Variants in TET3 observed in about 807,000 individuals in gnomAD.
TET3 encodes the protein methylcytosine dioxygenase TET3.
TET3 carries 19 observed loss-of-function variants against 141.4 expected under a neutral mutation model. That is an observed-to-expected ratio of 0.13 (90% CI 0.09 to 0.20). The LOEUF (loss-of-function observed/expected upper bound fraction) is 0.20. Among genes scored for constraint, TET3 ranks in the 10% least tolerant of loss-of-function variants. The pLI, the probability that TET3 is intolerant of heterozygous loss-of-function variation, is 1.00. For synonymous variants in TET3, 1,043 were observed against 980.9 expected (o/e 1.06, Z -1.18); for missense variants, 1,874 against 2,356.9 (o/e 0.80, Z 4.24).
At chr2:74,060,960 C>T (rs1315972782) in intron 4 of TET3, among the ~76,000 whole-genome samples, 4 of 152,342 alleles carry the variant, frequency 2.6e-5, no homozygotes, top group Middle Eastern at 3.4e-3. Context: ...ATCTTTTCCC[C>T]ACCTTTCCCC....
At chr2:74,008,930 C>T (rs975367492) in intron 3 of TET3, among the ~76,000 whole-genome samples, 2 of 152,206 alleles carry the variant, frequency 1.3e-5, no homozygotes, top group African/African-American at 2.4e-5. Flanking sequence ...CGCCTCCAGG[C>T]ATTTTTCCCC....
At chr2:74,109,970 C>T (rs1395906524), downstream of TET3, among the ~76,000 whole-genome samples, 3 of 152,162 alleles carry the variant, frequency 2.0e-5, no homozygotes, top group South Asian at 2.1e-4. Context: ...GTTTCATCTC[C>T]CTGTGTCATT....
At chr2:74,127,827 CAACA>C in the TET3 span, among the ~76,000 whole-genome samples, 9 of 152,020 alleles carry the variant, frequency 5.9e-5, no homozygotes, top group Non-Finnish European at 1.0e-4. Context: ...TCAGCAGCGA[CAACA>C]AACAGATGAA....
chr2:74,093,134 T>G lies in TET3; in HGVS notation c.3129+143T>G, dbSNP rs1180468925. 1.2e-6 allele frequency: 1 copy of G among 811,810 alleles called. No individual in the cohort carries two copies. The highest frequency in any genetic ancestry group is 2.0e-6 in the Non-Finnish European group (1 of 511,590). 50.3% of individuals were successfully genotyped at this position (811,810 alleles called of 1,614,324 possible). ...CAGAAGTAAAGCGATATGATGTGGT[T>G]CTTTGATAAAAACCCCTTTTTTACA... On this transcript the variant is annotated intron_variant, in intron 9 of 11. Transcript: ENST00000409262. The surrounding 1 kb of genome is among the most constrained non-coding windows in gnomAD (Gnocchi z 4.2).
chr2:74,097,195 GCACACACACACACACACA>G (rs146612512), intron 10 of TET3, among the ~76,000 whole-genome samples: 21 of 138,030 alleles, frequency 1.5e-4, no homozygotes, highest in African/African-American at 5.0e-4. Flanking sequence ...AGCCATACAT[GCACACACACACACACACA>G]CACACACACA....
At chr2:74,023,803 A>G (rs990742460) in intron 3 of TET3, among the ~76,000 whole-genome samples, 2 of 152,066 alleles carry the variant, frequency 1.3e-5, no homozygotes, top group Non-Finnish European at 2.9e-5. Context: ...TTCCTTTTAT[A>G]TTTCTAATAT....
chr2:74,075,906 G>A (rs1245206330), intron 5 of TET3, among the ~76,000 whole-genome samples: 2 of 152,176 alleles, frequency 1.3e-5, no homozygotes, highest in African/African-American at 4.8e-5. Flanking sequence ...CCTGTGTGTT[G>A]TAGTTTGCAG....
At chr2:74,092,719 G>A (rs1690575772) in intron 8 of TET3, among the ~76,000 whole-genome samples, 183 bp from the exon 9 acceptor site, 1 of 152,190 alleles carries the variant, frequency 6.6e-6, no homozygotes, top group African/African-American at 2.4e-5. Context: ...GGGAGCCTCA[G>A]TGTCCCCAGC....
intron 3 of TET3, among the ~76,000 whole-genome samples, chr2:74,015,427 A>T (rs935635879): frequency 5.3e-5 from 8 of 152,184 alleles, no homozygotes; most frequent in African/African-American, 1.9e-4. Flanking sequence ...CAATTTATAT[A>T]TATCTTTCCA....
chr2:74,019,298 G>A (rs1376405993), intron 3 of TET3, among the ~76,000 whole-genome samples: 1 of 152,152 alleles, frequency 6.6e-6, no homozygotes, highest in African/African-American at 2.4e-5. Context: ...ACGTTTTAAG[G>A]TTTTCTTCTT....
chr2:74,032,555 G>A (rs536829198), intron 3 of TET3, among the ~76,000 whole-genome samples: 8 of 139,632 alleles, frequency 5.7e-5, no homozygotes, highest in African/African-American at 1.4e-4. Context: ...AGCTGCCTCC[G>A]CGTCATGACC....
chr2:74,085,608 C>CA (rs1181002761), intron 6 of TET3, among the ~76,000 whole-genome samples: 1 of 152,244 alleles, frequency 6.6e-6, no homozygotes, highest in East Asian at 1.9e-4. Flanking sequence ...AAGGAGTGCA[C>CA]AACCTAGTTC....
Position 74,099,309 on chromosome 2 carries a change from G to A in TET3, c.3301G>A (p.Val1101Met), listed in dbSNP as rs748561400. The A allele has an allele frequency of 1.1e-5, 18 of 1,610,156 alleles. No homozygotes were observed. The highest frequency in any genetic ancestry group is 3.4e-5 in the Admixed American group (2 of 59,564). Reference protein sequence around the residue: ...CTLTKEDNRCVGKIPEDEQLH... With the variant: ...CTLTKEDNRCMGKIPEDEQLH... ...CCTGACCAAGGAAGACAATCGCTGC[G>A]TGGGCAAGATTCCCGAGGATGAGCA... Residue 1101 changes from valine to methionine, a missense_variant, in exon 11 of 12, where the codon GTG (valine) becomes ATG (methionine). Around this residue, in one of 10 missense-constraint regions of TET3, gnomAD observed 53 missense variants for 112.8 expected, o/e 0.47. Coordinates refer to ENST00000409262, the MANE Select transcript of TET3 (RefSeq NM_001287491.2).
chr2:74,025,949 A>G (rs1368598389), intron 3 of TET3, among the ~76,000 whole-genome samples: 3 of 151,516 alleles, frequency 2.0e-5, no homozygotes, highest in Non-Finnish European at 4.4e-5. Flanking sequence ...AAAAAAAAAT[A>G]ATAATAATAA....
At chr2:74,044,442 T>A (rs1687508422) in intron 3 of TET3, among the ~76,000 whole-genome samples, 1 of 152,234 alleles carries the variant, frequency 6.6e-6, no homozygotes, top group African/African-American at 2.4e-5. Context: ...GTACATGATG[T>A]TCCTCAACTT....
At chr2:74,131,321 G>T in the TET3 span, among the ~76,000 whole-genome samples, 1 of 152,146 alleles carries the variant, frequency 6.6e-6, no homozygotes, top group East Asian at 1.9e-4. Context: ...CGCACTTCCC[G>T]ATTTGGATTC....
At position 74,100,944 on chromosome 2, in the gene TET3, G is replaced by A. The variant is rs1167553870; in HGVS notation, c.4156G>A (p.Ala1386Thr). The change falls in exon 12 of 12, where the codon GCC becomes ACC. Residue 1386 changes from alanine (A) to threonine (T), a missense_variant. Around this residue, in one of 10 missense-constraint regions of TET3, gnomAD observed 602 missense variants for 590.2 expected, o/e 1.02. Coordinates refer to ENST00000409262, the MANE Select transcript of TET3 (RefSeq NM_001287491.2). ...AGTGTCCAGGGACCCCTCCCCCTTT[G>A]CCCAGAGCTCCAACTGCTACAACAG... The part of the protein sequence containing the change: ...HSVSRDPSPF[A>T]QSSNCYNRSI... The A allele has an allele frequency of 1.2e-6, 2 of 1,610,846 alleles. No homozygotes were observed. Among genetic ancestry groups the A allele is most frequent in the Non-Finnish European group, 1.7e-6 (2 of 1,178,684 alleles).
the TET3 span, among the ~76,000 whole-genome samples, chr2:74,129,771 C>A: frequency 1.3e-5 from 2 of 152,130 alleles, no homozygotes; most frequent in Admixed American, 1.3e-4. Flanking sequence ...TCTGTTGTTA[C>A]ACTCACACTG....
At chr2:74,005,739 A>G (rs1685120146) in intron 3 of TET3, among the ~76,000 whole-genome samples, 1 of 152,216 alleles carries the variant, frequency 6.6e-6, no homozygotes, top group Admixed American at 6.5e-5. Context: ...CCAGGGTTTC[A>G]GGAATACCTA....
Sources: gnomAD v4.1 joint callset for allele counts (sites outside exome capture counted in the v4.1 genomes callset) on GRCh38, gnomAD v4.1.1 for gene constraint, gnomAD v4.1.1 regional missense constraint, Gnocchi (gnomAD v3.1) non-coding constraint, MANE v1.5 for transcripts, NCBI Gene and HGNC (gene_info 2026-07-23, HGNC 2026-07-21) for gene names.